PTPN3: variants seen among roughly 807,000 people sequenced by gnomAD.
The protein encoded by PTPN3 is protein tyrosine phosphatase non-receptor type 3, also known as tyrosine-protein phosphatase non-receptor type 3.
A neutral mutation model predicts 132.7 loss-of-function variants in PTPN3; 96 were observed. The ratio of observed to expected loss-of-function variants is 0.72; its 90% CI spans 0.61 to 0.86. The LOEUF is 0.86. Among genes scored for constraint, PTPN3 ranks in the 40% least tolerant of loss-of-function variants. PTPN3 has a pLI of 0.00. For synonymous variants in PTPN3, 398 were observed against 429.0 expected, an observed-to-expected ratio of 0.93 and a Z score of 0.89; for missense variants, 1,125 against 1,159.6, an observed-to-expected ratio of 0.97 and a Z score of 0.43.
At chr9:109,483,765 C>T (rs1246431862) in intron 1 of PTPN3, among the ~76,000 whole-genome samples, 3 of 152,192 alleles carry the variant, frequency 2.0e-5, no homozygotes. Flanking sequence ...GAAACACCTG[C>T]CCCTTTGAGG....
chr9:109,454,168 A>C (rs1845438138), intron 5 of PTPN3, among the ~76,000 whole-genome samples: 1 of 152,126 alleles, frequency 6.6e-6, no homozygotes, highest in Non-Finnish European at 1.5e-5. Context: ...TTGGTAGAAA[A>C]TGACTTTTTG....
At chr9:109,534,066 C>T in the PTPN3 span, 1 of 771,492 alleles carries the variant, frequency 1.3e-6, no homozygotes, top group Non-Finnish European at 2.4e-6. Flanking sequence ...TTTTGGCAGT[C>T]TGGGGTACAA....
intron 1 of PTPN3, among the ~76,000 whole-genome samples, chr9:109,464,327 C>A (rs1845990754): frequency 6.6e-6 from 1 of 152,174 alleles, no homozygotes; most frequent in South Asian, 2.1e-4. Context: ...AAGACATGTA[C>A]CAGCATCTTG....
At chr9:109,429,087 G>A (rs1244659063) in intron 10 of PTPN3, 4 of 974,476 alleles carry the variant, frequency 4.1e-6, no homozygotes, top group African/African-American at 1.8e-5. Context: ...TAACAGCCAC[G>A]TGTCAAGTAG....
chr9:109,534,415 G>A, the PTPN3 span: 16 of 1,420,216 alleles, frequency 1.1e-5, no homozygotes, highest in Non-Finnish European at 1.5e-5. Context: ...AGCGGTGGTG[G>A]TGGGGCTGCT....
intron 22 of PTPN3, among the ~76,000 whole-genome samples, chr9:109,386,438 C>T (rs1839587127): frequency 6.6e-6 from 1 of 152,136 alleles, no homozygotes; most frequent in African/African-American, 2.4e-5. Context: ...ATGAATGAGA[C>T]ACGATGTGGC....
At chr9:109,422,967 C>G in intron 12 of PTPN3, 115 bp from the exon 13 acceptor site, 1 of 1,337,010 alleles carries the variant, frequency 7.5e-7, no homozygotes, top group Non-Finnish European at 1.0e-6. Flanking sequence ...AGGTTAATGC[C>G]AAGGTTATGG....
At chr9:109,395,984 G>A (rs977830337) in intron 19 of PTPN3, among the ~76,000 whole-genome samples, 3 of 151,446 alleles carry the variant, frequency 2.0e-5, no homozygotes, top group African/African-American at 4.9e-5. Flanking sequence ...AGCCTCCCGT[G>A]TAGCTGGAAT....
chr9:109,462,776 C>T (rs1385052983), intron 2 of PTPN3, among the ~76,000 whole-genome samples: 2 of 152,036 alleles, frequency 1.3e-5, no homozygotes, highest in African/African-American at 4.8e-5. Flanking sequence ...GTTTCACAAC[C>T]CACTCACTCA....
intron 1 of PTPN3, among the ~76,000 whole-genome samples, chr9:109,483,525 T>G (rs1847062770): frequency 6.6e-6 from 1 of 151,710 alleles, no homozygotes; most frequent in Non-Finnish European, 1.5e-5. Context: ...ATGTGGGGAG[T>G]GCTAAGACAG....
chr9:109,533,835 C>T, the PTPN3 span: 17 of 855,636 alleles, frequency 2.0e-5, no homozygotes, highest in South Asian at 2.5e-4. Context: ...CCCCCACTCT[C>T]GCTATTCTGG....
intron 6 of PTPN3, 34 bp downstream of exon 6, chr9:109,448,777 T>C (rs763530460): frequency 3.6e-5 from 56 of 1,568,070 alleles, no homozygotes; most frequent in Non-Finnish European, 4.4e-5. Flanking sequence ...TTTGCTAGTC[T>C]AACAGGAAAA....
the PTPN3 span, among the ~76,000 whole-genome samples, chr9:109,508,853 T>TC: frequency 3.4e-4 from 52 of 151,590 alleles, no homozygotes; most frequent in African/African-American, 8.7e-4. Context: ...AGTCAGGATG[T>TC]CCCCCCCCCA....
the PTPN3 span, among the ~76,000 whole-genome samples, chr9:109,517,908 C>T: frequency 0.019 from 2,888 of 152,252 alleles, 37 homozygotes; most frequent in Middle Eastern, 0.037. Context: ...GACATTGAGT[C>T]TCCTGGCCAC....
chr9:109,452,286 A>AG (rs1845306247), intron 5 of PTPN3, among the ~76,000 whole-genome samples: 1 of 151,228 alleles, frequency 6.6e-6, no homozygotes, highest in South Asian at 2.1e-4. Context: ...AAAAAAAAAA[A>AG]AGGAAATAAA....
intron 10 of PTPN3, among the ~76,000 whole-genome samples, chr9:109,431,490 A>T (rs1843661538): frequency 6.6e-6 from 1 of 152,178 alleles, no homozygotes; most frequent in African/African-American, 2.4e-5. Flanking sequence ...AGTGGGCCAG[A>T]GAGCTGCCTG....
the PTPN3 span, among the ~76,000 whole-genome samples, chr9:109,510,574 AAAATAT>A: frequency 2.0e-5 from 1 of 49,202 alleles, no homozygotes; most frequent in African/African-American, 7.0e-5. Flanking sequence ...AAAAAAAAAA[AAAATAT>A]ATATATATAT....
At chr9:109,414,483 A>T (rs1038389833) in intron 14 of PTPN3, among the ~76,000 whole-genome samples, 1 of 152,230 alleles carries the variant, frequency 6.6e-6, no homozygotes, top group Non-Finnish European at 1.5e-5. Context: ...AATTTCCCAC[A>T]TGGCTCCTCA....
chr9:109,411,121 G>A (rs185915738), intron 14 of PTPN3, among the ~76,000 whole-genome samples: 62 of 152,306 alleles, frequency 4.1e-4, no homozygotes, highest in African/African-American at 1.1e-3. Flanking sequence ...AGTGGCTCCC[G>A]TATGAGACAG....
Sources: allele counts gnomAD v4.1 joint callset (sites outside exome capture counted in the v4.1 genomes callset), GRCh38; gene constraint gnomAD v4.1.1; transcripts MANE v1.5; gene names NCBI Gene and HGNC (gene_info 2026-07-23, HGNC 2026-07-21).